STPG2: variants seen among roughly 807,000 people sequenced by gnomAD.
The protein encoded by STPG2 is sperm-tail PG-rich repeat-containing protein 2.
A neutral mutation model predicts 54.2 loss-of-function variants in STPG2; 56 were observed. The ratio of observed to expected loss-of-function variants is 1.03; its 90% CI spans 0.83 to 1.29. The LOEUF (loss-of-function observed/expected upper bound fraction) is 1.29. STPG2 is among the 50% of genes most tolerant of loss of function. The probability of loss-of-function intolerance (pLI) is 0.00; values close to 1 mark genes in which losing one functional copy is unlikely to be tolerated. For missense variants in STPG2, 596 were observed against 544.9 expected, an observed-to-expected ratio of 1.09 and a Z score of -0.93; for synonymous variants, 200 against 181.8, an observed-to-expected ratio of 1.10 and a Z score of -0.81.
chr4:97,526,947 G>A (rs1242906177), intron 4 of STPG2, among the ~76,000 whole-genome samples: 1 of 151,554 alleles, frequency 6.6e-6, no homozygotes, highest in East Asian at 1.9e-4. Context: ...ATTCCCCATT[G>A]CTTGTCAGAG....
intron 4 of STPG2, among the ~76,000 whole-genome samples, chr4:97,456,666 C>G (rs915901811): frequency 6.6e-6 from 1 of 151,824 alleles, no homozygotes; most frequent in Non-Finnish European, 1.5e-5. Flanking sequence ...GAGGCTGAGG[C>G]GGGTGGATCA....
intron 2 of STPG2, among the ~76,000 whole-genome samples, chr4:98,130,540 T>A (rs1460882392): frequency 6.6e-6 from 1 of 152,104 alleles, no homozygotes; most frequent in Non-Finnish European, 1.5e-5. Context: ...GTAATACCTA[T>A]GGGATTAATT....
At chr4:97,501,440 T>C (rs1005766061) in intron 4 of STPG2, among the ~76,000 whole-genome samples, 4 of 152,066 alleles carry the variant, frequency 2.6e-5, no homozygotes, top group Admixed American at 6.6e-5. Context: ...CAGGGCACAG[T>C]GGCACATGCC....
intron 8 of STPG2, among the ~76,000 whole-genome samples, chr4:97,882,621 A>C (rs1159910821): frequency 1.3e-5 from 2 of 152,174 alleles, no homozygotes; most frequent in Admixed American, 6.5e-5. Context: ...CTAAGCAAGA[A>C]GTAATATGAG....
intron 9 of STPG2, among the ~76,000 whole-genome samples, chr4:97,759,178 G>C (rs929812237): frequency 6.6e-6 from 1 of 152,110 alleles, no homozygotes; most frequent in Non-Finnish European, 1.5e-5. Flanking sequence ...GGAGTCATGA[G>C]AAAGAATGGA....
intron 10 of STPG2, among the ~76,000 whole-genome samples, chr4:97,588,502 A>G (rs112188292): frequency 0.015 from 2,270 of 152,162 alleles, 52 homozygotes; most frequent in African/African-American, 0.052. Context: ...AAGATATTCT[A>G]CCTTTATTAC....
chr4:97,833,960 A>G (rs536371159), intron 9 of STPG2, among the ~76,000 whole-genome samples: 1 of 152,290 alleles, frequency 6.6e-6, no homozygotes, highest in South Asian at 2.1e-4. Context: ...CGATTACTCA[A>G]GTATCTAGAA....
chr4:97,936,336 G>A (rs1175629516), intron 8 of STPG2, among the ~76,000 whole-genome samples: 3 of 151,944 alleles, frequency 2.0e-5, no homozygotes, highest in African/African-American at 4.8e-5. Context: ...TCCAATTTGC[G>A]GGTCTGTGCT....
chr4:97,897,433 C>T (rs1227772123), intron 8 of STPG2, among the ~76,000 whole-genome samples: 5 of 151,938 alleles, frequency 3.3e-5, no homozygotes, highest in Non-Finnish European at 5.9e-5. Flanking sequence ...GTAATGGGAT[C>T]GCTGAGTTGA....
intron 10 of STPG2, among the ~76,000 whole-genome samples, chr4:97,656,898 CTT>C (rs1242077333): frequency 1.3e-5 from 2 of 151,730 alleles, no homozygotes; most frequent in Non-Finnish European, 2.9e-5. Context: ...TAGAAGGAAA[CTT>C]TTTTGAAAAT....
intron 5 of STPG2, among the ~76,000 whole-genome samples, chr4:98,070,172 A>G (rs546280030): frequency 1.3e-5 from 2 of 152,172 alleles, no homozygotes; most frequent in African/African-American, 2.4e-5. Context: ...ATCGACCACA[A>G]TCAAGTTGGC....
intron 10 of STPG2, among the ~76,000 whole-genome samples, chr4:97,602,463 T>C (rs1185567743): frequency 2.0e-5 from 3 of 151,838 alleles, no homozygotes; most frequent in African/African-American, 7.2e-5. Flanking sequence ...CTTTGTTAAG[T>C]AGAAGTAAAA....
chr4:97,623,476 C>T (rs1204107284), intron 10 of STPG2, among the ~76,000 whole-genome samples: 1 of 152,040 alleles, frequency 6.6e-6, no homozygotes, highest in Non-Finnish European at 1.5e-5. Flanking sequence ...GGAAGACATA[C>T]ATGTGGCCAA....
At position 97,559,135 on chromosome 4, in the gene STPG2, G is replaced by GA. The variant is rs1453586245; in HGVS notation, c.1321-19dup. 2.0e-6 allele frequency: 3 copies of GA among 1,493,802 alleles called. No homozygotes were observed. Among genetic ancestry groups the GA allele is most frequent in the Non-Finnish European group, 2.7e-6 (3 of 1,107,626 alleles). The allele number at this position is 1,493,802 out of a possible 1,614,324, so 92.5% of individuals were successfully genotyped here. On this transcript the variant is annotated intron_variant, in intron 10 of 10. Coordinates refer to ENST00000295268, the MANE Select transcript of STPG2 (RefSeq NM_174952.3). ...TGGGATATCTGTTTAATAAGAATGA[G>GA]AAAAAAAGGAGGAAAACATCTACTT...
chr4:98,020,524 T>G (rs1157951696), intron 5 of STPG2, among the ~76,000 whole-genome samples: 2 of 152,120 alleles, frequency 1.3e-5, no homozygotes, highest in Admixed American at 6.6e-5. Context: ...AGGATGATAC[T>G]GGCCTGATAA....
chr4:97,943,999 C>A lies in STPG2; in HGVS notation c.942G>T (p.Trp314Cys), dbSNP rs1009086887. The change falls in exon 8 of 11, where the codon TGG becomes TGT. Residue 314 changes from tryptophan (W) to cysteine (C), a missense_variant. Physicochemically the swap from Trp to Cys is radical, Grantham distance 215. Coordinates refer to ENST00000295268, the MANE Select transcript of STPG2 (RefSeq NM_174952.3). ...TPGPADYQEF[W>C]HSQGVGISDE... is the part of the protein sequence containing the mutation. ...CAGAAATTCCCACACCCTGTGAATG[C>A]CAAAATTCCTGTTGAAAGAAGGGGT... 3.1e-6 allele frequency: 5 copies of A among 1,607,182 alleles called. No homozygotes were observed. In the Admixed American group the frequency reaches 6.8e-5, roughly 22 times the overall value.
chr4:97,454,337 C>A (rs1380550767), intron 4 of STPG2, among the ~76,000 whole-genome samples: 1 of 150,184 alleles, frequency 6.7e-6, no homozygotes, highest in Non-Finnish European at 1.5e-5. Context: ...CAAGGTGAAA[C>A]CCCGTCTCTA....
At chr4:97,729,063 T>TTCTCTCTCTCTCTCTCCCTCTC (rs1724712171) in intron 9 of STPG2, among the ~76,000 whole-genome samples, 1 of 124,844 alleles carries the variant, frequency 8.0e-6, no homozygotes, top group Admixed American at 9.1e-5. Context: ...CCCCAAGAAT[T>TTCTCTCTCTCTCTCTCCCTCTC]TCTCTCTCTC....
At chr4:97,780,978 G>A (rs543183230) in intron 9 of STPG2, among the ~76,000 whole-genome samples, 97 of 151,870 alleles carry the variant, frequency 6.4e-4, no homozygotes, top group African/African-American at 2.1e-3. Context: ...AAGAGAAAGC[G>A]GCAAAGATCT....
Sources: gnomAD v4.1 joint callset for allele counts (sites outside exome capture counted in the v4.1 genomes callset) on GRCh38, gnomAD v4.1.1 for gene constraint, MANE v1.5 for transcripts, NCBI Gene and HGNC (gene_info 2026-07-23, HGNC 2026-07-21) for gene names.